The following ARHGAP15 variants were observed in gnomAD, a reference collection of about 807,000 sequenced individuals.
ARHGAP15 encodes the protein rho GTPase-activating protein 15.
In ARHGAP15, 51 loss-of-function variants were observed where a neutral mutation model predicts 63.7. The observed-to-expected ratio is 0.80, with a 90% CI of 0.64 to 1.01. The LOEUF is 1.01. Among genes scored for constraint, ARHGAP15 ranks in the 50% least tolerant of loss-of-function variants. The probability of loss-of-function intolerance (pLI) is 0.00; values close to 1 mark genes in which losing one functional copy is unlikely to be tolerated. For missense variants in ARHGAP15, 560 were observed against 564.6 expected, an observed-to-expected ratio of 0.99 and a Z score of 0.08; for synonymous variants, 191 against 193.8, an observed-to-expected ratio of 0.99 and a Z score of 0.12.
chr2:143,188,064 T>C (rs1438539893), intron 2 of ARHGAP15, among the ~76,000 whole-genome samples: 1 of 152,154 alleles, frequency 6.6e-6, no homozygotes, highest in Non-Finnish European at 1.5e-5. Context: ...TGTTTCTTTT[T>C]TGTATTAACC....
intron 12 of ARHGAP15, among the ~76,000 whole-genome samples, chr2:143,625,714 A>G (rs551966603): frequency 6.6e-6 from 1 of 152,298 alleles, no homozygotes; most frequent in Non-Finnish European, 1.5e-5. Context: ...GGAACACCCA[A>G]GCAACTTACA....
chr2:143,678,095 C>G (rs1340980631), intron 12 of ARHGAP15, among the ~76,000 whole-genome samples: 3 of 152,076 alleles, frequency 2.0e-5, no homozygotes, highest in Non-Finnish European at 4.4e-5. Flanking sequence ...GACTGTAATC[C>G]AGCTACTTGG....
Position 143,482,039 on chromosome 2 carries a change from G to A in ARHGAP15, c.704-5334G>A, listed in dbSNP as rs76228676. Reference sequence around the variant, plus strand: ...AGGCTTGACAGAAAAGATCTCCAATGGGAAAAGCAGAGGAAAACATAAAGG... The same window carrying A: ...AGGCTTGACAGAAAAGATCTCCAATAGGAAAAGCAGAGGAAAACATAAAGG... On this transcript the variant is annotated intron_variant, in intron 8 of 13. Transcript: ENST00000295095. 3.9e-3 allele frequency among the ~76,000 whole-genome samples: 591 copies of A among 152,246 alleles called. 6 individuals carry two copies. Among genetic ancestry groups the A allele is most frequent in the African/African-American group, 0.014 (564 of 41,546 alleles).
rs550306669 is a variant in ARHGAP15 at position 143,537,766 on chromosome 2, G to C, written c.925+18402G>C. Among the ~76,000 whole-genome samples, 53 of 152,260 alleles carry C rather than the reference G, an allele frequency of 3.5e-4. 1 individual carries two copies. In the East Asian group the frequency reaches 9.5e-3, roughly 27 times the overall value. On this transcript the variant is annotated intron_variant, in intron 10 of 13. Transcript: ENST00000295095. ...TCTGTTTTGGTGCCAGTACCATGCT[G>C]TTTTGGTTACTGTAGCCTTGTAGTG...
At chr2:143,389,369 T>A (rs1218034965) in intron 6 of ARHGAP15, among the ~76,000 whole-genome samples, 1 of 152,112 alleles carries the variant, frequency 6.6e-6, no homozygotes. Flanking sequence ...TTCTTACAGA[T>A]ACTGAAAGAA....
intron 2 of ARHGAP15, among the ~76,000 whole-genome samples, chr2:143,183,096 A>G (rs555072182): frequency 5.3e-4 from 80 of 152,336 alleles, no homozygotes; most frequent in African/African-American, 1.8e-3. Flanking sequence ...GCAAAGATTC[A>G]AAGTGGGATA....
At chr2:143,418,433 C>T (rs1471871049) in intron 6 of ARHGAP15, among the ~76,000 whole-genome samples, 2 of 152,076 alleles carry the variant, frequency 1.3e-5, no homozygotes, top group African/African-American at 4.8e-5. Flanking sequence ...TAAATAAAAC[C>T]TTGCAATAGT....
In ARHGAP15 at chr2:143,135,705, G is replaced by T. The variant is rs567394614; in HGVS notation, c.-15+6239G>T. On this transcript the variant is annotated intron_variant, in intron 1 of 13. Transcript: ENST00000295095. ...CCCTCTTGAAACTCTCTTTTCATTT[G>T]ACTTCTGGAATACTTTTTTCTTCCA... 3.9e-5 allele frequency among the ~76,000 whole-genome samples: 6 copies of T among 152,102 alleles called. No individual in the cohort carries two copies. In the East Asian group the frequency reaches 7.7e-4, roughly 20 times the overall value.
rs1158186596 is a variant in ARHGAP15 at position 143,261,762 on chromosome 2, T to A, written c.474+11162T>A. 2.0e-5 allele frequency among the ~76,000 whole-genome samples: 3 copies of A among 152,140 alleles called. 1 individual carries two copies. Among genetic ancestry groups the A allele is most frequent in the Non-Finnish European group, 1.5e-5 (1 of 68,026 alleles). The stretch of plus-strand genomic sequence containing the variant: ...TGAAAGAAAAATTTGAGACTAGGAA[T>A]TGTGTGCAAGCAGTTTATTTGATTG... On this transcript the variant is annotated intron_variant, in intron 6 of 13. Coordinates refer to ENST00000295095, the MANE Select transcript of ARHGAP15 (RefSeq NM_018460.4).
At chr2:143,381,672 C>T (rs1278779516) in intron 6 of ARHGAP15, among the ~76,000 whole-genome samples, 1 of 152,112 alleles carries the variant, frequency 6.6e-6, no homozygotes, top group Non-Finnish European at 1.5e-5. Flanking sequence ...GATTTACAGG[C>T]ACCCTCTCAC....
intron 6 of ARHGAP15, among the ~76,000 whole-genome samples, chr2:143,372,216 C>T (rs138952098): frequency 6.6e-6 from 1 of 151,540 alleles, no homozygotes; most frequent in Non-Finnish European, 1.5e-5. Context: ...GTGACACGTG[C>T]CTGTAATCCC....
chr2:143,738,365 A>G (rs760796709), intron 13 of ARHGAP15, among the ~76,000 whole-genome samples: 1 of 152,130 alleles, frequency 6.6e-6, no homozygotes, highest in African/African-American at 2.4e-5. Context: ...GTTCTTACGA[A>G]TAAAGGCACA....
chr2:143,336,547 T>A (rs1684782100), intron 6 of ARHGAP15, among the ~76,000 whole-genome samples: 1 of 138,824 alleles, frequency 7.2e-6, no homozygotes, highest in South Asian at 2.7e-4. Context: ...AGCCTTGGAA[T>A]CCTTTGCCCA....
intron 6 of ARHGAP15, among the ~76,000 whole-genome samples, chr2:143,375,167 GTTTA>G (rs1686748319): frequency 6.6e-6 from 1 of 152,096 alleles, no homozygotes; most frequent in South Asian, 2.1e-4. Flanking sequence ...AAAAGCAAAT[GTTTA>G]TTTAATTTCA....
At chr2:143,440,116 C>G (rs1459188702) in intron 8 of ARHGAP15, among the ~76,000 whole-genome samples, 1 of 151,836 alleles carries the variant, frequency 6.6e-6, no homozygotes, top group East Asian at 1.9e-4. Context: ...GAATTAAGTT[C>G]ATTCAATATG....
At chr2:143,515,895 G>A (rs1343777716) in intron 9 of ARHGAP15, among the ~76,000 whole-genome samples, 1 of 152,180 alleles carries the variant, frequency 6.6e-6, no homozygotes, top group Non-Finnish European at 1.5e-5. Context: ...TTCTCTAAGA[G>A]TGAATGTATT....
intron 2 of ARHGAP15, among the ~76,000 whole-genome samples, chr2:143,161,245 C>T (rs185753458): frequency 5.9e-5 from 9 of 152,004 alleles, no homozygotes; most frequent in Admixed American, 3.3e-4. Flanking sequence ...CCATTAGAAA[C>T]GTGTTTCCAG....
At chr2:143,156,960 C>T (rs1249815245) in intron 2 of ARHGAP15, among the ~76,000 whole-genome samples, 2 of 151,832 alleles carry the variant, frequency 1.3e-5, no homozygotes, top group African/African-American at 4.8e-5. Context: ...AGAACTGTAC[C>T]TTTGAAAAAG....
At chr2:143,297,473 C>T (rs981560655) in intron 6 of ARHGAP15, among the ~76,000 whole-genome samples, 1 of 151,976 alleles carries the variant, frequency 6.6e-6, no homozygotes, top group Non-Finnish European at 1.5e-5. Context: ...GATCTTTTGC[C>T]TGTTGTCTGG....
Sources: gnomAD v4.1 joint callset for allele counts (sites outside exome capture counted in the v4.1 genomes callset) on GRCh38, gnomAD v4.1.1 for gene constraint, MANE v1.5 for transcripts, NCBI Gene and HGNC (gene_info 2026-07-23, HGNC 2026-07-21) for gene names.